FRMPD4: variants seen among roughly 807,000 people sequenced by gnomAD.
The protein encoded by FRMPD4 is FERM and PDZ domain containing 4, also known as FERM and PDZ domain-containing protein 4.
Under a neutral mutation model 94.1 loss-of-function variants are expected in FRMPD4, and 22 were observed. The ratio of observed to expected loss-of-function variants is 0.23; its 90% CI spans 0.17 to 0.33. The LOEUF (loss-of-function observed/expected upper bound fraction) is 0.33, where lower values mean the gene tolerates loss of function less well. FRMPD4 is among the 10% of genes least tolerant of loss of function. FRMPD4 has a pLI of 1.00. For synonymous variants in FRMPD4, 631 were observed against 548.6 expected (o/e 1.15, Z -2.10); for missense variants, 1,111 against 1,339.9 (o/e 0.83, Z 2.67).
At chrX:12,004,160 T>G (rs2054538593) in intron 3 of FRMPD4, among the ~76,000 whole-genome samples, 1 of 111,832 alleles carries the variant, frequency 8.9e-6, no homozygotes, top group Admixed American at 9.4e-5. Context: ...TTCCAGAGGT[T>G]GAAAACCCCT....
intron 3 of FRMPD4, among the ~76,000 whole-genome samples, chrX:12,086,922 G>A (rs920512856): frequency 5.4e-5 from 6 of 110,124 alleles, no homozygotes; most frequent in African/African-American, 2.0e-4. Context: ...ATAAGACTGA[G>A]GTCCCCACTC....
At chrX:12,707,949 G>C (rs2041909445) in intron 13 of FRMPD4, among the ~76,000 whole-genome samples, 1 of 112,330 alleles carries the variant, frequency 8.9e-6, no homozygotes, top group African/African-American at 3.2e-5. Context: ...TCTAGGTATA[G>C]AGTAGGGGAA....
intron 14 of FRMPD4, among the ~76,000 whole-genome samples, chrX:12,710,913 A>G (rs1161387101): frequency 9.0e-6 from 1 of 111,407 alleles, no homozygotes; most frequent in Non-Finnish European, 1.9e-5. Context: ...CTCAAAATAA[A>G]TTAATTAATT....
At chrX:12,551,818 G>T (rs5979649) in intron 2 of FRMPD4, among the ~76,000 whole-genome samples, 23,298 of 110,295 alleles carry the variant, frequency 0.21, 1,837 homozygotes, top group South Asian at 0.35. Flanking sequence ...TGTGTGTAAT[G>T]TTAGCAGCCA....
chrX:12,058,312 G>C (rs2054866076), intron 3 of FRMPD4, among the ~76,000 whole-genome samples: 1 of 111,610 alleles, frequency 9.0e-6, no homozygotes, highest in Non-Finnish European at 1.9e-5. Flanking sequence ...CCGGACATGA[G>C]GCAGATAGGG....
intron 2 of FRMPD4, among the ~76,000 whole-genome samples, chrX:12,545,758 G>A (rs2058467649): frequency 8.9e-6 from 1 of 112,511 alleles, no homozygotes; most frequent in African/African-American, 3.2e-5. Context: ...GGGAGGAGGG[G>A]CAGATGGCAT....
At chrX:11,929,825 C>G (rs2054110770) in intron 3 of FRMPD4, among the ~76,000 whole-genome samples, 1 of 110,705 alleles carries the variant, frequency 9.0e-6, no homozygotes, top group Non-Finnish European at 1.9e-5. Context: ...AGAGCACCAT[C>G]AGCCGGGTGC....
At chrX:12,569,464 A>C (rs1465837422) in intron 2 of FRMPD4, among the ~76,000 whole-genome samples, 1 of 111,766 alleles carries the variant, frequency 8.9e-6, no homozygotes, top group Non-Finnish European at 1.9e-5. Flanking sequence ...CAGGTTATCA[A>C]TCAGTAAAAT....
chrX:12,629,873 A>G (rs1196993405), intron 4 of FRMPD4, among the ~76,000 whole-genome samples: 3 of 112,350 alleles, frequency 2.7e-5, no homozygotes, highest in Non-Finnish European at 5.6e-5. Context: ...AGGAGATTGG[A>G]GCACAAGCCT....
intron 1 of FRMPD4, among the ~76,000 whole-genome samples, chrX:11,851,950 CAA>C (rs201359187): frequency 0.022 from 1,511 of 69,010 alleles, 23 homozygotes; most frequent in Middle Eastern, 0.057. Context: ...AAATATTATA[CAA>C]AAAAAAAAAA....
At chrX:12,427,897 CTTTTTTTTTTTTTTTTTTTTTT>C (rs139267482) in intron 1 of FRMPD4, among the ~76,000 whole-genome samples, 1 of 54,771 alleles carries the variant, frequency 1.8e-5, no homozygotes, top group Admixed American at 2.9e-4. Context: ...CCTTTTTTCT[CTTTTTTTTTTTTTTTTTTTTTT>C]TTTTTTTTGA....
At chrX:12,133,076 G>A (rs1410183929) in intron 3 of FRMPD4, among the ~76,000 whole-genome samples, 1 of 110,959 alleles carries the variant, frequency 9.0e-6, no homozygotes, top group Non-Finnish European at 1.9e-5. Context: ...CTAGATTAAG[G>A]GCCTTGAGCA....
intron 2 of FRMPD4, among the ~76,000 whole-genome samples, chrX:12,547,426 G>A: frequency 8.9e-6 from 1 of 112,066 alleles, no homozygotes; most frequent in African/African-American, 3.2e-5. Context: ...GAGTTGGGGT[G>A]TAGGGAGAGA....
At chrX:12,177,870 C>G (rs753493984) in intron 1 of FRMPD4, among the ~76,000 whole-genome samples, 1 of 111,847 alleles carries the variant, frequency 8.9e-6, no homozygotes, top group Admixed American at 9.5e-5. Flanking sequence ...CCGAATAATT[C>G]AGGGGTCTAT....
intron 1 of FRMPD4, among the ~76,000 whole-genome samples, chrX:11,857,030 A>T (rs2053657443): frequency 8.9e-6 from 1 of 111,956 alleles, no homozygotes. Flanking sequence ...AAGGAGAGCT[A>T]CAAATGACCG....
intron 1 of FRMPD4, among the ~76,000 whole-genome samples, chrX:12,343,472 G>A (rs1196196279): frequency 9.0e-6 from 1 of 110,773 alleles, no homozygotes; most frequent in Non-Finnish European, 1.9e-5. Flanking sequence ...ATGTACTTAG[G>A]AGTCACCTCT....
intron 3 of FRMPD4, among the ~76,000 whole-genome samples, chrX:12,083,573 G>A (rs1293448596): frequency 2.7e-5 from 3 of 112,325 alleles, no homozygotes; most frequent in Middle Eastern, 9.2e-3. Flanking sequence ...TCATCCTCCA[G>A]ACCCCAGAAT....
At chrX:12,720,086 A>G (rs757857323) in intron 16 of FRMPD4, among the ~76,000 whole-genome samples, 7 of 106,867 alleles carry the variant, frequency 6.6e-5, no homozygotes, top group African/African-American at 1.1e-4. Context: ...AAGAAAGAGA[A>G]AGAAAGAAAG....
chrX:12,702,808 C>T (rs2041811502), intron 10 of FRMPD4, among the ~76,000 whole-genome samples: 1 of 112,330 alleles, frequency 8.9e-6, no homozygotes, highest in Non-Finnish European at 1.9e-5. Flanking sequence ...AATTTGAGAA[C>T]CTCAGGCCTT....
Sources: allele counts gnomAD v4.1 joint callset (sites outside exome capture counted in the v4.1 genomes callset), GRCh38; gene constraint gnomAD v4.1.1; transcripts MANE v1.5; gene names NCBI Gene and HGNC (gene_info 2026-07-23, HGNC 2026-07-21).